TUBGCP4: variants seen among roughly 807,000 people sequenced by gnomAD.
TUBGCP4 encodes the protein tubulin gamma complex component 4.
Under a neutral mutation model 91.6 loss-of-function variants are expected in TUBGCP4, and 54 were observed. That is an observed-to-expected ratio of 0.59 (90% CI 0.47 to 0.74). The LOEUF is 0.74. Ranked by LOEUF, TUBGCP4 falls within the 30% of genes least tolerant of loss-of-function variation. TUBGCP4 has a pLI of 0.00. For missense variants in TUBGCP4, 593 were observed against 800.9 expected, an observed-to-expected ratio of 0.74 and a Z score of 3.13; for synonymous variants, 297 against 302.8, an observed-to-expected ratio of 0.98 and a Z score of 0.20.
In TUBGCP4 at chr15:43,408,699, C is replaced by T; in HGVS notation, c.*3485C>T. 1.7e-6 allele frequency: 1 copy of T among 585,002 alleles called. No homozygotes were observed. The allele number at this position is 585,002 out of a possible 1,614,324, so 36.2% of individuals were successfully genotyped here. A position where few individuals can be genotyped will look rare whatever the true frequency, so the allele number is the denominator to read the frequency against. Reference sequence around the variant, plus strand: ...TTGAACCTATATACAAATCTTCACACATTTGCAAAAGGTTCCTAGCCAATG... The same window carrying T: ...TTGAACCTATATACAAATCTTCACATATTTGCAAAAGGTTCCTAGCCAATG... On this transcript the variant is annotated 3_prime_UTR_variant, in exon 18 of 18. Transcript: ENST00000564079.
chr15:43,386,344 CGTATATATATATATATATATATAT>C lies in TUBGCP4; in HGVS notation c.1014+15_1014+38del. 8 of 243,226 alleles carry C rather than the reference CGTATATATATATATATATATATAT, an allele frequency of 3.3e-5. 1 individual carries two copies. The highest frequency in any genetic ancestry group is 8.1e-5 in the South Asian group (2 of 24,574). The allele number at this position is 243,226 out of a possible 1,614,324, so 15.1% of individuals were successfully genotyped here. ...ACTGTGGCTGAGGTTTGTGTTTCATCGTATATATATATATATATATATATATATATATATTTTTTTTTTTTTTTT... is the reference window on the plus strand; with the variant it reads ...ACTGTGGCTGAGGTTTGTGTTTCATCATATATATATTTTTTTTTTTTTTTT... On this transcript the variant is annotated intron_variant, in intron 9 of 17. Transcript: ENST00000564079.
At position 43,405,294 on chromosome 15, in the gene TUBGCP4, A is replaced by C; in HGVS notation, c.*80A>C. 6.6e-7 allele frequency: 1 copy of C among 1,505,182 alleles called. No homozygotes were observed. Among genetic ancestry groups the C allele is most frequent in the South Asian group, 1.1e-5 (1 of 88,344 alleles). 93.2% of individuals were successfully genotyped at this position (1,505,182 alleles called of 1,614,324 possible). ...AGATTCAAAACATCCCATTCTAGCC[A>C]CACACAAATAAATATCTGCGGCTTA... On this transcript the variant is annotated 3_prime_UTR_variant, in exon 18 of 18. Coordinates refer to ENST00000564079, the MANE Select transcript of TUBGCP4 (RefSeq NM_014444.5).
In TUBGCP4 at chr15:43,385,811, C is replaced by G; in HGVS notation, c.744C>G (p.Asn248Lys). 1 of 1,614,138 alleles carries G rather than the reference C, an allele frequency of 6.2e-7. No homozygotes were observed. The highest frequency in any genetic ancestry group is 8.5e-7 in the Non-Finnish European group (1 of 1,180,018). ...LQDLRLIEEE[N>K]MLAPSLKQFS... is the part of the protein sequence containing the mutation. ...ACTAGCGCCTGATTGAGGAAGAGAACATGCTGGCACCATCTCTGAAGCAGT... is the reference window on the plus strand; with the variant it reads ...ACTAGCGCCTGATTGAGGAAGAGAAGATGCTGGCACCATCTCTGAAGCAGT... Residue 248 changes from asparagine to lysine, a missense_variant, in exon 8 of 18, where the codon AAC becomes AAG. Physicochemically the swap from Asn to Lys is moderately conservative, Grantham distance 94 (BLOSUM62 0). Coordinates refer to ENST00000564079, the MANE Select transcript of TUBGCP4 (RefSeq NM_014444.5).
chr15:43,386,162 G>C (rs1412214692), intron 8 of TUBGCP4, 44 bp from the exon 9 acceptor site: 1 of 1,580,240 alleles, frequency 6.3e-7, no homozygotes, highest in Admixed American at 1.8e-5. Flanking sequence ...TAACTGTCCT[G>C]GGTATTCTCC....
rs570912521 is a variant in TUBGCP4, at chr15:43,407,796, C to T, written c.*2582C>T. 3.1e-5 allele frequency: 27 copies of T among 869,266 alleles called. No homozygotes were observed. In the South Asian group the frequency reaches 3.6e-4, roughly 12 times the overall value. 53.8% of individuals were successfully genotyped at this position (869,266 alleles called of 1,614,324 possible). On this transcript the variant is annotated 3_prime_UTR_variant, in exon 18 of 18. Transcript: ENST00000564079. ...ACGTCCAGTGCTTCACTTATGTTGA[C>T]TCACCTCTTGAAGGTGGTACTTTTC... is the stretch of plus-strand genomic sequence containing the variant.
At position 43,376,530 on chromosome 15, in the gene TUBGCP4, G is replaced by A; in HGVS notation, c.235G>A (p.Gly79Ser). 1 of 1,614,214 alleles carries A rather than the reference G, an allele frequency of 6.2e-7. No homozygotes were observed. The highest frequency in any genetic ancestry group is 8.5e-7 in the Non-Finnish European group (1 of 1,180,042). ...TCACCATCCATCTCAACAGGGCCAA[G>A]GTGGGTTACATGGAATCTACCTGCG... is the stretch of plus-strand genomic sequence containing the variant. ...QDHHPSQQGQ[G>S]GLHGIYLRAF... Residue 79 changes from glycine (G) to serine (S), a missense_variant, in exon 3 of 18, where the codon GGT (glycine) becomes AGT (serine). Gly to Ser is a moderately conservative substitution (Grantham distance 56, BLOSUM62 0). Coordinates refer to ENST00000564079, the MANE Select transcript of TUBGCP4 (RefSeq NM_014444.5).
chr15:43,376,040 C>G, intron 1 of TUBGCP4, 58 bp from the exon 2 acceptor site: 3 of 1,602,190 alleles, frequency 1.9e-6, no homozygotes, highest in Non-Finnish European at 2.6e-6. Flanking sequence ...GCGTTTGAAG[C>G]ACCTGAAAGT....
intron 9 of TUBGCP4, among the ~76,000 whole-genome samples, chr15:43,392,560 G>A (rs529183619): frequency 6.6e-6 from 1 of 152,160 alleles, no homozygotes; most frequent in African/African-American, 2.4e-5. Flanking sequence ...GTGCAGTGGC[G>A]TGATCTCGGC....
At chr15:43,396,399 G>T (rs566937136) in intron 11 of TUBGCP4, among the ~76,000 whole-genome samples, 4 of 152,340 alleles carry the variant, frequency 2.6e-5, no homozygotes, top group Admixed American at 2.6e-4. Flanking sequence ...ACCCACTGAT[G>T]TCCATTCCCA....
In TUBGCP4 at chr15:43,406,735, C is replaced by T. The variant is rs768993178; in HGVS notation, c.*1521C>T. The T allele has an allele frequency of 1.0e-5, 4 of 398,668 alleles. No homozygotes were observed. The highest frequency in any genetic ancestry group is 2.0e-5 in the Non-Finnish European group (4 of 202,292). The allele number at this position is 398,668 out of a possible 1,614,324, so 24.7% of individuals were successfully genotyped here. A position where few individuals can be genotyped will look rare whatever the true frequency, so the allele number is the denominator to read the frequency against. ...AATAATATTGGGTCTTTGACTAGAA[C>T]GTGTAACATTTCCAGGTGTTCTCAC... On this transcript the variant is annotated 3_prime_UTR_variant, in exon 18 of 18. Coordinates refer to ENST00000564079, the MANE Select transcript of TUBGCP4 (RefSeq NM_014444.5).
chr15:43,388,014 A>G (rs62021176), intron 9 of TUBGCP4, among the ~76,000 whole-genome samples: 26,235 of 149,552 alleles, frequency 0.18, 2,453 homozygotes, highest in Middle Eastern at 0.29. Context: ...ATGCCTGGCA[A>G]ACTTTTTTGT....
intron 16 of TUBGCP4, chr15:43,404,048 GT>G: frequency 1.9e-6 from 1 of 539,662 alleles, no homozygotes; most frequent in Non-Finnish European, 3.3e-6. Context: ...GCATTGGGTT[GT>G]TCTAACTTCC....
At chr15:43,381,849 A>C (rs1375121757) in intron 6 of TUBGCP4, among the ~76,000 whole-genome samples, 1 of 152,228 alleles carries the variant, frequency 6.6e-6, no homozygotes, top group Admixed American at 6.5e-5. Flanking sequence ...TGTGAAATGC[A>C]CAAATTTTTT....
intron 7 of TUBGCP4, chr15:43,385,493 CT>C (rs2044341817): frequency 2.1e-6 from 1 of 481,972 alleles, no homozygotes; most frequent in African/African-American, 2.0e-5. Context: ...AAAAGACCAC[CT>C]CTTTCATCGT....
At chr15:43,382,379 A>G (rs969829140) in intron 6 of TUBGCP4, among the ~76,000 whole-genome samples, 2 of 151,934 alleles carry the variant, frequency 1.3e-5, no homozygotes, top group African/African-American at 4.8e-5. Flanking sequence ...TTTTTTTGCA[A>G]TCCAGGATCC....
At chr15:43,378,318 A>G (rs2044238308) in intron 5 of TUBGCP4, among the ~76,000 whole-genome samples, 1 of 152,234 alleles carries the variant, frequency 6.6e-6, no homozygotes, top group African/African-American at 2.4e-5. Flanking sequence ...TGAAAGCCAG[A>G]TGTTTAATAA....
chr15:43,402,920 T>C (rs1480838251), intron 15 of TUBGCP4: 1 of 152,236 alleles, frequency 6.6e-6, no homozygotes, highest in Non-Finnish European at 1.5e-5. Flanking sequence ...ATTTCTGCTG[T>C]ACCAGGAAGA....
chr15:43,376,888 T>C, intron 3 of TUBGCP4, 126 bp from the exon 4 acceptor site: 1 of 937,548 alleles, frequency 1.1e-6, no homozygotes, highest in Admixed American at 2.4e-5. Context: ...CCTGATTAAA[T>C]TATCAGTTCT....
Position 43,408,111 on chromosome 15 carries a change from C to T in TUBGCP4, c.*2897C>T, listed in dbSNP as rs756745733. The T allele has an allele frequency of 1.2e-6, 2 of 1,609,676 alleles. No individual in the cohort carries two copies. Among genetic ancestry groups the T allele is most frequent in the South Asian group, 2.2e-5 (2 of 90,460 alleles). On this transcript the variant is annotated 3_prime_UTR_variant, in exon 18 of 18. Transcript: ENST00000564079. Reference sequence around the variant, plus strand: ...TGCCTATGAAGGAGACAGGAAAGGACCTTAGCATGACAAGTAATATCCAAC... The same window carrying T: ...TGCCTATGAAGGAGACAGGAAAGGATCTTAGCATGACAAGTAATATCCAAC...
Sources: allele counts gnomAD v4.1 joint callset (sites outside exome capture counted in the v4.1 genomes callset), GRCh38; gene constraint gnomAD v4.1.1; transcripts MANE v1.5; gene names NCBI Gene and HGNC (gene_info 2026-07-23, HGNC 2026-07-21).